Variants in ACVR1 observed in about 807,000 individuals in gnomAD.
ACVR1 encodes the protein activin A receptor type 1, also known as activin receptor type-1.
ACVR1 carries 38 observed loss-of-function variants against 57.1 expected under a neutral mutation model. That is an observed-to-expected ratio of 0.67 (90% confidence interval 0.51 to 0.87). The LOEUF (loss-of-function observed/expected upper bound fraction) is 0.87. Among genes scored for constraint, ACVR1 ranks in the 40% least tolerant of loss-of-function variants. ACVR1 has a pLI of 0.00. For missense variants in ACVR1, 463 were observed against 638.2 expected, an observed-to-expected ratio of 0.73 and a Z score of 2.96; for synonymous variants, 212 against 228.1, an observed-to-expected ratio of 0.93 and a Z score of 0.63.
chr2:157,825,786 G>C (rs900896198), intron 1 of ACVR1, among the ~76,000 whole-genome samples: 2 of 152,174 alleles, frequency 1.3e-5, no homozygotes, highest in African/African-American at 4.8e-5. Flanking sequence ...TCTCCAAATG[G>C]TTCTCAGCGA....
At chr2:157,776,578 GA>G (rs1215084672) in intron 5 of ACVR1, among the ~76,000 whole-genome samples, 1 of 152,232 alleles carries the variant, frequency 6.6e-6, no homozygotes, top group Non-Finnish European at 1.5e-5. Flanking sequence ...GGAAGCTACA[GA>G]AGGTTACTTC....
chr2:157,841,561 T>G (rs568530372), intron 1 of ACVR1, among the ~76,000 whole-genome samples: 1 of 152,296 alleles, frequency 6.6e-6, no homozygotes, highest in South Asian at 2.1e-4. Flanking sequence ...CACCCAGAGC[T>G]GGGTGCAGCA....
At chr2:157,777,413 G>T (rs1239584321) in intron 5 of ACVR1, among the ~76,000 whole-genome samples, 2 of 152,088 alleles carry the variant, frequency 1.3e-5, no homozygotes, top group African/African-American at 2.4e-5. Context: ...AAAGCAAAAA[G>T]AATGTAAAAT....
At chr2:157,755,070 T>C (rs1685368778) in intron 9 of ACVR1, among the ~76,000 whole-genome samples, 2 of 152,112 alleles carry the variant, frequency 1.3e-5, no homozygotes, top group Admixed American at 1.3e-4. Flanking sequence ...CCCTTTATGA[T>C]TAAAACCCTT....
chr2:157,773,637 T>C (rs1686155461), intron 6 of ACVR1, among the ~76,000 whole-genome samples: 1 of 152,364 alleles, frequency 6.6e-6, no homozygotes, highest in South Asian at 2.1e-4. Flanking sequence ...AAAGGAGTTA[T>C]AAAGATCCCT....
chr2:157,847,200 C>T (rs754321447), intron 1 of ACVR1, among the ~76,000 whole-genome samples: 2 of 152,084 alleles, frequency 1.3e-5, no homozygotes, highest in African/African-American at 2.4e-5. Flanking sequence ...ACAAATTTAA[C>T]GAAACAATTA....
At chr2:157,816,491 G>A (rs2105326833) in intron 2 of ACVR1, among the ~76,000 whole-genome samples, 1 of 151,974 alleles carries the variant, frequency 6.6e-6, no homozygotes, top group African/African-American at 2.4e-5. Context: ...TAGTTACTTG[G>A]GAGGCTGAGG....
In ACVR1 at chr2:157,870,187, T is replaced by C. The variant is rs115440362; in HGVS notation, c.-183+5609A>G. Among the ~76,000 whole-genome samples, 1,415 of 152,270 alleles carry C rather than the reference T, an allele frequency of 9.3e-3. 26 individuals are homozygous for C. Among genetic ancestry groups the C allele is most frequent in the African/African-American group, 0.032 (1,315 of 41,546 alleles). On this transcript the variant is annotated intron_variant, in intron 1 of 10. Transcript: ENST00000434821. Reference sequence around the variant, plus strand: ...TACCCACGTTCCAAACTCTCAAGTATCGTCCCATTTCTAATATCCAACTTT... The same window carrying C: ...TACCCACGTTCCAAACTCTCAAGTACCGTCCCATTTCTAATATCCAACTTT...
Position 157,770,365 on chromosome 2 carries a change from T to C in ACVR1, c.790+3A>G, listed in dbSNP as rs1686025714. The C allele has an allele frequency of 6.2e-7, 1 of 1,613,966 alleles. No homozygotes were observed. The highest frequency in any genetic ancestry group is 8.5e-7 in the Non-Finnish European group (1 of 1,179,864). The stretch of plus-strand genomic sequence containing the variant: ...TTAATGAGGGGGTTATCCTTGTACT[T>C]ACCTAAGATATTTTCATGCCTCAGC... On this transcript the variant is annotated splice_donor_region_variant and intron_variant, in intron 7 of 10. Coordinates refer to ENST00000434821, the MANE Select transcript of ACVR1 (RefSeq NM_001111067.4).
At chr2:157,762,232 C>T (rs970167494) in intron 8 of ACVR1, among the ~76,000 whole-genome samples, 4 of 152,186 alleles carry the variant, frequency 2.6e-5, no homozygotes, top group African/African-American at 2.4e-5. Context: ...TAGGTAAGTA[C>T]AGTACAATTA....
rs967615766 is a variant in ACVR1 at position 157,753,540 on chromosome 2, C to A, written c.1264+7340G>T. On this transcript the variant is annotated intron_variant, in intron 9 of 10. Coordinates refer to ENST00000434821, the MANE Select transcript of ACVR1 (RefSeq NM_001111067.4). ...GAGAATCCATCTCAAAAAAAAGAAG[C>A]CTTGTCCAGCAGGAAACTATCACAA... Among the ~76,000 whole-genome samples the A allele has an allele frequency of 1.3e-4, 20 of 151,928 alleles. 1 individual carries two copies. Among genetic ancestry groups the A allele is most frequent in the Non-Finnish European group, 2.9e-4 (20 of 67,948 alleles).
intron 1 of ACVR1, among the ~76,000 whole-genome samples, chr2:157,844,672 A>G (rs1689074113): frequency 6.6e-6 from 1 of 152,124 alleles, no homozygotes; most frequent in Non-Finnish European, 1.5e-5. Context: ...CCTGCTAGGA[A>G]TTGAGGGTTT....
At chr2:157,870,543 T>C (rs1690083267) in intron 1 of ACVR1, among the ~76,000 whole-genome samples, 1 of 152,176 alleles carries the variant, frequency 6.6e-6, no homozygotes, top group Non-Finnish European at 1.5e-5. Flanking sequence ...ACCTCTCACA[T>C]AAGCATGGCC....
chr2:157,794,546 T>C (rs755494529), intron 3 of ACVR1, among the ~76,000 whole-genome samples: 1 of 152,146 alleles, frequency 6.6e-6, no homozygotes, highest in Non-Finnish European at 1.5e-5. Context: ...TGAAGAGGAC[T>C]GATAATGACT....
chr2:157,750,770 C>T (rs145415846), intron 9 of ACVR1, among the ~76,000 whole-genome samples: 2,568 of 151,734 alleles, frequency 0.017, 62 homozygotes, highest in African/African-American at 0.056. Flanking sequence ...AGGTAAAATG[C>T]CCGAAAACAA....
chr2:157,779,773 A>C (rs775521467), intron 4 of ACVR1, among the ~76,000 whole-genome samples: 9 of 152,220 alleles, frequency 5.9e-5, no homozygotes, highest in Admixed American at 2.0e-4. Flanking sequence ...TACTGATGGT[A>C]GAGAGAAGAT....
intron 1 of ACVR1, among the ~76,000 whole-genome samples, chr2:157,849,893 C>T (rs1418511467): frequency 6.6e-6 from 1 of 152,188 alleles, no homozygotes; most frequent in Non-Finnish European, 1.5e-5. Context: ...TTGAAATCAG[C>T]AGATTCTTTA....
chr2:157,771,557 C>T (rs556470311), intron 6 of ACVR1, among the ~76,000 whole-genome samples: 2 of 152,268 alleles, frequency 1.3e-5, no homozygotes, highest in African/African-American at 4.8e-5. Context: ...TCTACCCAGG[C>T]AAGTGACTGC....
intron 2 of ACVR1, among the ~76,000 whole-genome samples, chr2:157,800,159 A>G (rs1687269170): frequency 6.6e-6 from 1 of 152,262 alleles, no homozygotes; most frequent in Non-Finnish European, 1.5e-5. Flanking sequence ...GAATAATGTG[A>G]AACATCAGGA....
Sources: gnomAD v4.1 joint callset for allele counts (sites outside exome capture counted in the v4.1 genomes callset) on GRCh38, gnomAD v4.1.1 for gene constraint, MANE v1.5 for transcripts, NCBI Gene and HGNC (gene_info 2026-07-23, HGNC 2026-07-21) for gene names.